Variants in PM20D1 observed in about 807,000 individuals in gnomAD.
PM20D1 encodes the protein peptidase M20 domain containing 1.
In PM20D1, 53 loss-of-function variants were observed where a neutral mutation model predicts 53.8. The observed-to-expected ratio is 0.98, with a 90% CI of 0.79 to 1.24. PM20D1 has a LOEUF of 1.24. Ranked by LOEUF, PM20D1 falls within the 50% of genes most tolerant of loss-of-function variation. The pLI is 0.00. For missense variants in PM20D1, 564 were observed against 616.8 expected, an observed-to-expected ratio of 0.91 and a Z score of 0.91; for synonymous variants, 239 against 241.3, an observed-to-expected ratio of 0.99 and a Z score of 0.09.
chr1:205,849,547 A>AT (rs1230401184), intron 1 of PM20D1, among the ~76,000 whole-genome samples: 3 of 152,118 alleles, frequency 2.0e-5, no homozygotes, highest in Non-Finnish European at 4.4e-5. Flanking sequence ...CACCGCAGTA[A>AT]TTTATCAGGC....
intron 11 of PM20D1, among the ~76,000 whole-genome samples, chr1:205,831,789 C>T (rs1299778175): frequency 6.6e-6 from 1 of 152,056 alleles, no homozygotes; most frequent in Non-Finnish European, 1.5e-5. Flanking sequence ...GTCTTGAACT[C>T]CTGACCTCAT....
chr1:205,829,041 T>G (rs1656502077), intron 12 of PM20D1, among the ~76,000 whole-genome samples: 1 of 152,310 alleles, frequency 6.6e-6, no homozygotes, highest in Admixed American at 6.5e-5. Context: ...AGAATTATCT[T>G]TTTTCTTGAG....
intron 6 of PM20D1, among the ~76,000 whole-genome samples, chr1:205,843,230 A>G (rs1656857620): frequency 6.6e-6 from 1 of 152,128 alleles, no homozygotes; most frequent in Admixed American, 6.5e-5. Context: ...CCAATTTGTG[A>G]TTCTAAATGT....
At chr1:205,835,376 G>A (rs1656659995) in intron 10 of PM20D1, among the ~76,000 whole-genome samples, 1 of 152,286 alleles carries the variant, frequency 6.6e-6, no homozygotes, top group Admixed American at 6.5e-5. Flanking sequence ...GTAGATGATG[G>A]TAGCACCTAC....
chr1:205,832,957 T>G (rs1656596354), intron 10 of PM20D1, among the ~76,000 whole-genome samples, 191 bp from the exon 11 acceptor site: 1 of 152,188 alleles, frequency 6.6e-6, no homozygotes, highest in Non-Finnish European at 1.5e-5. Context: ...TGGGTCTTCC[T>G]GGAAAGCAAC....
rs1656922808 is a variant in PM20D1 at position 205,845,244 on chromosome 1, C to T, written c.489+81G>A. On this transcript the variant is annotated intron_variant, in intron 3 of 12. Coordinates refer to ENST00000367136, the MANE Select transcript of PM20D1 (RefSeq NM_152491.5). The stretch of plus-strand genomic sequence containing the variant: ...CCAAGATTCTTTTTACCATTATCTC[C>T]CACCTCCCAGGGTCAGCCAAGCACC... 4 of 1,383,568 alleles carry T rather than the reference C, an allele frequency of 2.9e-6. No homozygotes were observed. The South Asian group carries it at 3.7e-5, about 13-fold the overall frequency. 85.7% of individuals were successfully genotyped at this position (1,383,568 alleles called of 1,614,324 possible).
chr1:205,828,698 G>A lies in PM20D1; in HGVS notation c.1431C>T (p.Thr477=), dbSNP rs376313288. 3.1e-6 allele frequency: 5 copies of A among 1,614,092 alleles called. 1 individual carries two copies. The highest frequency in any genetic ancestry group is 2.2e-5 in the South Asian group (2 of 91,080). The part of the protein sequence containing the change: ...NEKISVQAYE[T]QVKFIFELIQ... Reference sequence around the variant, plus strand: ...TCAACTCAAAGATGAATTTCACTTGGGTCTCATAGGCTTGGACTGAGATTT... The same window carrying A: ...TCAACTCAAAGATGAATTTCACTTGAGTCTCATAGGCTTGGACTGAGATTT... The change falls in exon 13 of 13, where the codon ACC becomes ACT. Residue 477 remains threonine, a synonymous_variant. Transcript: ENST00000367136.
chr1:205,846,064 CAA>C (rs1319744947), intron 2 of PM20D1, among the ~76,000 whole-genome samples: 1 of 127,900 alleles, frequency 7.8e-6, no homozygotes, highest in Non-Finnish European at 1.6e-5. Context: ...GCGTGGGTGA[CAA>C]GAGCAAAACT....
Position 205,844,291 on chromosome 1 carries a change from T to C in PM20D1, c.577-74A>G, listed in dbSNP as rs2102530189. ...CCTCCAGACATAGCTAATGGGGACC[T>C]ATTCAGCCTAGCTAGGGGCTCCAGA... On this transcript the variant is annotated intron_variant, in intron 4 of 12. Transcript: ENST00000367136. The C allele has an allele frequency of 2.1e-6, 3 of 1,458,622 alleles. No homozygotes were observed. The East Asian group carries it at 7.1e-5, about 34-fold the overall frequency. 90.4% of individuals were successfully genotyped at this position (1,458,622 alleles called of 1,614,324 possible).
intron 10 of PM20D1, among the ~76,000 whole-genome samples, chr1:205,835,707 C>T (rs2102525058): frequency 6.8e-6 from 1 of 146,576 alleles, no homozygotes. Flanking sequence ...GTGCCTGGCA[C>T]ATGGTAAGCA....
intron 12 of PM20D1, among the ~76,000 whole-genome samples, chr1:205,829,071 C>T (rs1241655961): frequency 6.6e-6 from 1 of 152,186 alleles, no homozygotes; most frequent in African/African-American, 2.4e-5. Context: ...CACTCTGTAG[C>T]CCAGGCTAGA....
intron 10 of PM20D1, among the ~76,000 whole-genome samples, chr1:205,834,107 C>T (rs531292364): frequency 1.3e-5 from 2 of 151,080 alleles, no homozygotes; most frequent in South Asian, 2.1e-4. Context: ...CTTGGCCTCC[C>T]AAACTGTTGG....
chr1:205,838,054 G>A (rs993542913), intron 10 of PM20D1, among the ~76,000 whole-genome samples: 10 of 151,938 alleles, frequency 6.6e-5, no homozygotes, highest in African/African-American at 1.5e-4. Context: ...CCTTCTCCCC[G>A]CTCTACAATG....
intron 4 of PM20D1, 107 bp downstream of exon 4, chr1:205,844,701 TACC>T (rs879863500): frequency 1.1e-6 from 1 of 944,508 alleles, no homozygotes; most frequent in Non-Finnish European, 1.6e-6. Context: ...GTTGGCAAAC[TACC>T]GTATCATGGA....
At chr1:205,834,727 G>A (rs974263694) in intron 10 of PM20D1, among the ~76,000 whole-genome samples, 1 of 152,204 alleles carries the variant, frequency 6.6e-6, no homozygotes, top group Non-Finnish European at 1.5e-5. Context: ...GCCTCCATGA[G>A]GTGGGTTGGG....
chr1:205,849,774 G>A, intron 1 of PM20D1, 130 bp downstream of exon 1: 4 of 1,192,408 alleles, frequency 3.4e-6, no homozygotes, highest in Non-Finnish European at 4.7e-6. Context: ...TTGGGGCCGG[G>A]CTGGGGTGCG....
intron 4 of PM20D1, 38 bp downstream of exon 4, chr1:205,844,773 C>G (rs778124641): frequency 6.3e-7 from 1 of 1,585,552 alleles, no homozygotes; most frequent in Admixed American, 1.7e-5. Context: ...CTACCCTCAA[C>G]AGAGGACAGA....
At chr1:205,837,206 A>T (rs1656703358) in intron 10 of PM20D1, among the ~76,000 whole-genome samples, 2 of 152,246 alleles carry the variant, frequency 1.3e-5, no homozygotes. Context: ...AGTCCACAGT[A>T]GCTACCAATA....
chr1:205,849,593 T>G (rs553501209), intron 1 of PM20D1, among the ~76,000 whole-genome samples: 1 of 152,076 alleles, frequency 6.6e-6, no homozygotes, highest in Non-Finnish European at 1.5e-5. Flanking sequence ...GATGTACAAA[T>G]GAAAGCTGGT....
Sources: gnomAD v4.1 joint callset for allele counts (sites outside exome capture counted in the v4.1 genomes callset) on GRCh38, gnomAD v4.1.1 for gene constraint, MANE v1.5 for transcripts, NCBI Gene and HGNC (gene_info 2026-07-23, HGNC 2026-07-21) for gene names.